The following RBFOX1 variants were observed in gnomAD, a reference collection of about 807,000 sequenced individuals.
The protein encoded by RBFOX1 is RNA binding protein fox-1 homolog 1.
Under a neutral mutation model 57.7 loss-of-function variants are expected in RBFOX1, and 8 were observed. The ratio of observed to expected loss-of-function variants is 0.14; its 90% CI spans 0.08 to 0.25. The LOEUF (loss-of-function observed/expected upper bound fraction) is 0.25, where lower values mean the gene tolerates loss of function less well. Ranked by LOEUF, RBFOX1 falls within the 10% of genes least tolerant of loss-of-function variation. The pLI is 1.00. For missense variants in RBFOX1, 611 were observed against 548.5 expected, an observed-to-expected ratio of 1.11 and a Z score of -1.14; for synonymous variants, 326 against 222.4, an observed-to-expected ratio of 1.47 and a Z score of -4.15.
At chr16:5,314,348 C>A (rs2064173696) in intron 1 of RBFOX1, among the ~76,000 whole-genome samples, 1 of 152,188 alleles carries the variant, frequency 6.6e-6, no homozygotes, top group African/African-American at 2.4e-5. Context: ...TAGACCCGTG[C>A]CCCATGGCAC....
intron 3 of RBFOX1, among the ~76,000 whole-genome samples, chr16:5,766,411 C>G (rs1019540726): frequency 2.6e-5 from 4 of 152,032 alleles, no homozygotes; most frequent in Non-Finnish European, 4.4e-5. Context: ...ATGACGAAAC[C>G]TCGTCTCTAC....
chr16:6,267,472 G>C (rs753927514), intron 1 of RBFOX1, among the ~76,000 whole-genome samples: 1 of 152,128 alleles, frequency 6.6e-6, no homozygotes, highest in Admixed American at 6.5e-5. Flanking sequence ...AAGAGAAATA[G>C]ACCATGGATA....
In RBFOX1 at chr16:6,019,149, A is replaced by T; in HGVS notation, c.-970A>T. 1 of 984,080 alleles carries T rather than the reference A, an allele frequency of 1.0e-6. No homozygotes were observed. Among genetic ancestry groups the T allele is most frequent in the Non-Finnish European group, 1.2e-6 (1 of 829,756 alleles). 61.0% of individuals were successfully genotyped at this position (984,080 alleles called of 1,614,324 possible). On this transcript the variant is annotated 5_prime_UTR_variant, in exon 1 of 16. Transcript: ENST00000550418. This position sits in a 1 kb window ranked among gnomAD's most constrained non-coding sequence, Gnocchi z 4.2. Reference sequence around the variant, plus strand: ...CGCTCTCTCCGGCTCTCCTTTGTTTATTTTCTAATCTATATTTTTACTGGA... The same window carrying T: ...CGCTCTCTCCGGCTCTCCTTTGTTTTTTTTCTAATCTATATTTTTACTGGA...
At chr16:6,557,677 C>T (rs17140592) in intron 2 of RBFOX1, among the ~76,000 whole-genome samples, 9,811 of 152,198 alleles carry the variant, frequency 0.064, 687 homozygotes, top group East Asian at 0.37. Context: ...ATGCTCCTTT[C>T]GACCAAGTAT....
intron 1 of RBFOX1, among the ~76,000 whole-genome samples, chr16:6,177,585 A>G (rs751952042): frequency 3.9e-5 from 6 of 152,290 alleles, no homozygotes; most frequent in Non-Finnish European, 7.4e-5. Context: ...TTCATCTTCT[A>G]TGAAAAACGG....
At chr16:6,924,509 C>G (rs2075156542) in intron 3 of RBFOX1, among the ~76,000 whole-genome samples, 1 of 152,044 alleles carries the variant, frequency 6.6e-6, no homozygotes. Context: ...ATATTTCCCT[C>G]CAGGCCCACC....
At chr16:6,263,093 G>T (rs530438852) in intron 1 of RBFOX1, among the ~76,000 whole-genome samples, 1 of 152,156 alleles carries the variant, frequency 6.6e-6, no homozygotes, top group African/African-American at 2.4e-5. Flanking sequence ...GAAAAGTTTG[G>T]TGTGTTTAGG....
intron 4 of RBFOX1, among the ~76,000 whole-genome samples, chr16:7,223,224 G>C (rs764553832): frequency 5.3e-5 from 8 of 152,224 alleles, no homozygotes; most frequent in Non-Finnish European, 8.8e-5. Flanking sequence ...TCAAGTTCAA[G>C]ATCAGAAGCA....
intron 2 of RBFOX1, among the ~76,000 whole-genome samples, chr16:6,574,249 C>G (rs962644088): frequency 6.6e-6 from 1 of 151,906 alleles, no homozygotes; most frequent in Non-Finnish European, 1.5e-5. Flanking sequence ...TACGGCTTAA[C>G]TGAGGTAACA....
At chr16:6,431,759 G>A (rs2094093669) in intron 2 of RBFOX1, among the ~76,000 whole-genome samples, 1 of 152,084 alleles carries the variant, frequency 6.6e-6, no homozygotes, top group African/African-American at 2.4e-5. Flanking sequence ...TACCAGCTTT[G>A]TGACTTGGAG....
intron 1 of RBFOX1, among the ~76,000 whole-genome samples, chr16:5,387,628 G>A (rs1483487142): frequency 1.3e-5 from 2 of 152,202 alleles, no homozygotes; most frequent in African/African-American, 4.8e-5. Context: ...CTATTGGCAA[G>A]GGAGTTTGAG....
intron 5 of RBFOX1, among the ~76,000 whole-genome samples, chr16:7,557,619 C>CAAA (rs1170051114): frequency 0.028 from 1,152 of 40,638 alleles, 61 homozygotes; most frequent in Non-Finnish European, 0.039. Context: ...GACTCTGTCT[C>CAAA]AAAAAAAAAA....
At chr16:6,981,324 G>A (rs1188106642) in intron 3 of RBFOX1, among the ~76,000 whole-genome samples, 1 of 151,926 alleles carries the variant, frequency 6.6e-6, no homozygotes, top group African/African-American at 2.4e-5. Flanking sequence ...GTGTCCATGT[G>A]TTCTCATTAT....
chr16:6,386,978 G>T (rs527359312), intron 2 of RBFOX1, among the ~76,000 whole-genome samples: 1 of 152,162 alleles, frequency 6.6e-6, no homozygotes, highest in African/African-American at 2.4e-5. Context: ...TATTGATTCC[G>T]CAAAGATGAA....
chr16:5,445,805 CATACTAT>C (rs1189547020), intron 1 of RBFOX1, among the ~76,000 whole-genome samples: 4 of 152,222 alleles, frequency 2.6e-5, no homozygotes, highest in African/African-American at 9.6e-5. Context: ...CATGCTGACC[CATACTAT>C]ATGCTAAATC....
chr16:7,317,508 C>A (rs1012801789), intron 4 of RBFOX1, among the ~76,000 whole-genome samples: 1 of 152,156 alleles, frequency 6.6e-6, no homozygotes, highest in South Asian at 2.1e-4. Flanking sequence ...ATCACCATCA[C>A]GAAGCAACTG....
chr16:6,173,194 G>A (rs1322573321), intron 1 of RBFOX1, among the ~76,000 whole-genome samples: 1 of 152,100 alleles, frequency 6.6e-6, no homozygotes, highest in African/African-American at 2.4e-5. Context: ...AGGTTCCCAG[G>A]ATTACAGCGG....
At chr16:7,581,820 C>T (rs2093787115) in intron 6 of RBFOX1, among the ~76,000 whole-genome samples, 2 of 152,102 alleles carry the variant, frequency 1.3e-5, no homozygotes, top group African/African-American at 2.4e-5. Flanking sequence ...AAGGGATCCT[C>T]CCACCTCAGC....
chr16:6,041,314 G>A (rs1261960208), intron 1 of RBFOX1, among the ~76,000 whole-genome samples: 2 of 152,096 alleles, frequency 1.3e-5, no homozygotes, highest in Non-Finnish European at 2.9e-5. Flanking sequence ...GAGGGTAATT[G>A]TGCTTCACTA....
Sources: gnomAD v4.1 joint callset for allele counts (sites outside exome capture counted in the v4.1 genomes callset) on GRCh38, gnomAD v4.1.1 for gene constraint, Gnocchi (gnomAD v3.1) non-coding constraint, MANE v1.5 for transcripts, NCBI Gene and HGNC (gene_info 2026-07-23, HGNC 2026-07-21) for gene names.